MTMR10: variants seen among roughly 807,000 people sequenced by gnomAD.
MTMR10 encodes myotubularin related protein 10.
MTMR10 carries 56 observed loss-of-function variants against 88.1 expected under a neutral mutation model. The ratio of observed to expected loss-of-function variants is 0.64; its 90% CI spans 0.51 to 0.79. The LOEUF (loss-of-function observed/expected upper bound fraction) is 0.79. Among genes scored for constraint, MTMR10 ranks in the 30% least tolerant of loss-of-function variants. The pLI is 0.00. For missense variants in MTMR10, 883 were observed against 924.7 expected, an observed-to-expected ratio of 0.95 and a Z score of 0.58; for synonymous variants, 380 against 340.9, an observed-to-expected ratio of 1.11 and a Z score of -1.26.
At position 30,948,356 on chromosome 15, in the gene MTMR10, C is replaced by G; in HGVS notation, c.1323G>C (p.Met441Ile). The G allele has an allele frequency of 6.2e-7, 1 of 1,613,832 alleles. No homozygotes were observed. Among genetic ancestry groups the G allele is most frequent in the Non-Finnish European group, 8.5e-7 (1 of 1,179,836 alleles). ...FQSLIQKEWV[M>I]AGYQFLDRCN... Reference sequence around the variant, plus strand: ...ATCTGTCTAGAAACTGATATCCTGCCATGACCCACTCCTTCTGTATCAGAC... The same window carrying G: ...ATCTGTCTAGAAACTGATATCCTGCGATGACCCACTCCTTCTGTATCAGAC... The change falls in exon 13 of 16, where the codon ATG becomes ATC. Residue 441 changes from methionine to isoleucine, a missense_variant. Met to Ile is a conservative substitution (Grantham distance 10). This residue lies in a region of MTMR10 where 126 missense variants were observed against 178.2 expected (regional missense o/e 0.71). Coordinates refer to ENST00000435680, the MANE Select transcript of MTMR10 (RefSeq NM_017762.3).
chr15:30,986,509 G>A (rs2030946776), intron 2 of MTMR10, among the ~76,000 whole-genome samples: 1 of 151,760 alleles, frequency 6.6e-6, no homozygotes, highest in Admixed American at 6.6e-5. Context: ...TTTTAATTTT[G>A]TTAACTTAAA....
intron 2 of MTMR10, among the ~76,000 whole-genome samples, chr15:30,990,416 C>T (rs934687277): frequency 2.6e-5 from 4 of 152,182 alleles, no homozygotes; most frequent in African/African-American, 9.7e-5. Flanking sequence ...ATTCAAAGTT[C>T]ACTAAGCTCT....
At position 30,939,164 on chromosome 15, in the gene MTMR10, T is replaced by C; in HGVS notation, c.*2306A>G. The C allele has an allele frequency of 2.0e-6, 2 of 985,394 alleles. No homozygotes were observed. The highest frequency in any genetic ancestry group is 2.4e-6 in the Non-Finnish European group (2 of 829,860). The allele number at this position is 985,394 out of a possible 1,614,324, so 61.0% of individuals were successfully genotyped here. A position where few individuals can be genotyped will look rare whatever the true frequency, so the allele number is the denominator to read the frequency against. ...AATGTGAACAGCTTTCACCCTCTGTTAGTACAAATTAATATCCTTTCCTTA... is the reference window on the plus strand; with the variant it reads ...AATGTGAACAGCTTTCACCCTCTGTCAGTACAAATTAATATCCTTTCCTTA... On this transcript the variant is annotated 3_prime_UTR_variant, in exon 16 of 16. Transcript: ENST00000435680.
In MTMR10 at chr15:30,991,607, G is replaced by T; in HGVS notation, c.-101C>A. The T allele has an allele frequency of 7.2e-7, 1 of 1,382,428 alleles. No individual in the cohort carries two copies. The highest frequency in any genetic ancestry group is 9.5e-7 in the Non-Finnish European group (1 of 1,049,504). 85.6% of individuals were successfully genotyped at this position (1,382,428 alleles called of 1,614,324 possible). Reference sequence around the variant, plus strand: ...GTGCGGCCGCCCAGGCCCTTTCTGCGGCCAGCCGAGCCGGGCGGACTGACG... The same window carrying T: ...GTGCGGCCGCCCAGGCCCTTTCTGCTGCCAGCCGAGCCGGGCGGACTGACG... On this transcript the variant is annotated 5_prime_UTR_variant, in exon 1 of 16. Coordinates refer to ENST00000435680, the MANE Select transcript of MTMR10 (RefSeq NM_017762.3).
chr15:30,925,661 C>G, the MTMR10 span: 1 of 1,059,624 alleles, frequency 9.4e-7, no homozygotes, highest in Non-Finnish European at 1.4e-6. Flanking sequence ...GTGTGAGCCC[C>G]ACGCTGTGTG....
chr15:30,924,972 C>G, the MTMR10 span: 5 of 730,908 alleles, frequency 6.8e-6, no homozygotes, highest in African/African-American at 5.3e-5. Flanking sequence ...AGAATAAGAT[C>G]TAAGGAAACA....
chr15:30,925,079 G>T, the MTMR10 span: 19 of 1,555,596 alleles, frequency 1.2e-5, 1 homozygote, highest in South Asian at 2.3e-4. Flanking sequence ...CATGGAAGCC[G>T]CCATGGGTTT....
the MTMR10 span, chr15:30,928,029 A>G: frequency 4.0e-6 from 4 of 989,036 alleles, no homozygotes; most frequent in South Asian, 1.4e-4. Flanking sequence ...AGGGCAGTGT[A>G]GTACCCAGGG....
intron 15 of MTMR10, 30 bp downstream of exon 15, chr15:30,942,860 C>G: frequency 6.5e-7 from 1 of 1,537,180 alleles, no homozygotes; most frequent in East Asian, 2.4e-5. Flanking sequence ...ACGTGTGAGC[C>G]AACATCACGT....
chr15:30,949,601 TAA>T (rs2063215621), intron 12 of MTMR10: 1 of 152,136 alleles, frequency 6.6e-6, no homozygotes, highest in South Asian at 2.1e-4. Context: ...ATAAAATACT[TAA>T]GAGATTTAAC....
intron 13 of MTMR10, 77 bp downstream of exon 13, chr15:30,948,225 C>A: frequency 2.2e-6 from 3 of 1,334,760 alleles, no homozygotes; most frequent in Non-Finnish European, 3.1e-6. Context: ...TTTTAAAAGC[C>A]CCTTCATCTT....
At chr15:30,978,257 A>C (rs1206326189) in intron 2 of MTMR10, among the ~76,000 whole-genome samples, 1 of 152,232 alleles carries the variant, frequency 6.6e-6, no homozygotes, top group Non-Finnish European at 1.5e-5. Flanking sequence ...TTTTTAAATT[A>C]ATGCCTGCAT....
At position 30,939,793 on chromosome 15, in the gene MTMR10, TAAG is replaced by T. The variant is rs2062978032; in HGVS notation, c.*1674_*1676del. 3.0e-6 allele frequency: 3 copies of T among 985,244 alleles called. No homozygotes were observed. In the African/African-American group the frequency reaches 5.2e-5, roughly 17 times the overall value. 61.0% of individuals were successfully genotyped at this position (985,244 alleles called of 1,614,324 possible). A position where few individuals can be genotyped will look rare whatever the true frequency, so the allele number is the denominator to read the frequency against. On this transcript the variant is annotated 3_prime_UTR_variant, in exon 16 of 16. Transcript: ENST00000435680. ...AATGGCAGGATACGCTGTGGTGTTA[TAAG>T]GAGATTGGGTCTGGTTTCTAATCAA...
At chr15:30,961,494 G>C (rs570461632) in intron 6 of MTMR10, among the ~76,000 whole-genome samples, 2 of 152,212 alleles carry the variant, frequency 1.3e-5, no homozygotes, top group Non-Finnish European at 2.9e-5. Context: ...ACCTGCCTTG[G>C]CCTCCCAAAG....
intron 9 of MTMR10, among the ~76,000 whole-genome samples, chr15:30,956,896 G>T (rs577019239): frequency 6.6e-6 from 1 of 152,330 alleles, no homozygotes; most frequent in South Asian, 2.1e-4. Context: ...CTTGGAGTAT[G>T]ACACAGCAGA....
At chr15:30,972,526 G>A (rs533157215) in intron 5 of MTMR10, among the ~76,000 whole-genome samples, 14 of 152,132 alleles carry the variant, frequency 9.2e-5, no homozygotes, top group Middle Eastern at 3.4e-3. Flanking sequence ...TTGTGCAGAC[G>A]GTTTAGTAAG....
chr15:30,954,882 G>A lies in MTMR10; in HGVS notation c.947C>T (p.Ala316Val), dbSNP rs982190086. Residue 316 changes from alanine to valine, a missense_variant, in exon 10 of 16, where the codon GCA (alanine) becomes GTA (valine). By Grantham distance (64) the Ala-to-Val change is moderately conservative. This residue lies in a region of MTMR10 where 414 missense variants were observed against 423.2 expected (regional missense o/e 0.98). Coordinates refer to ENST00000435680, the MANE Select transcript of MTMR10 (RefSeq NM_017762.3). ...TCTCTGTGGGTGACTTTTAGTTATT[G>A]CATTACAAATCCTAATAAAGACAAA... ...QRKIDQRICN[A>V]ITKSHPQRSD... 1.3e-6 allele frequency: 2 copies of A among 1,549,420 alleles called. No individual in the cohort carries two copies. Among genetic ancestry groups the A allele is most frequent in the East Asian group, 4.8e-5 (2 of 41,562 alleles).
At chr15:30,950,799 T>G (rs896364807) in intron 12 of MTMR10, among the ~76,000 whole-genome samples, 1 of 152,184 alleles carries the variant, frequency 6.6e-6, no homozygotes, top group African/African-American at 2.4e-5. Flanking sequence ...GATACCAAGA[T>G]CCACAAATGC....
intron 5 of MTMR10, among the ~76,000 whole-genome samples, chr15:30,972,403 G>A (rs956132763): frequency 2.0e-5 from 3 of 151,602 alleles, no homozygotes; most frequent in Non-Finnish European, 2.9e-5. Flanking sequence ...TGCAACCCCC[G>A]TGGCTATACA....
Sources: gnomAD v4.1 joint callset for allele counts (sites outside exome capture counted in the v4.1 genomes callset) on GRCh38, gnomAD v4.1.1 for gene constraint, gnomAD v4.1.1 regional missense constraint, MANE v1.5 for transcripts, NCBI Gene and HGNC (gene_info 2026-07-23, HGNC 2026-07-21) for gene names.